SETBP1: variants seen among roughly 807,000 people sequenced by gnomAD.
SETBP1 encodes SET-binding protein.
SETBP1 carries 9 observed loss-of-function variants against 101.0 expected under a neutral mutation model. The observed-to-expected ratio is 0.09, with a 90% confidence interval of 0.05 to 0.16. The LOEUF is 0.16. Ranked by LOEUF, SETBP1 falls within the 10% of genes least tolerant of loss-of-function variation. The pLI, the probability that SETBP1 is intolerant of heterozygous loss-of-function variation, is 1.00. For synonymous variants in SETBP1, 818 were observed against 788.5 expected (o/e 1.04, Z -0.63); for missense variants, 1,858 against 2,033.8 (o/e 0.91, Z 1.66).
At chr18:44,800,476 A>G (rs1400424714) in intron 2 of SETBP1, among the ~76,000 whole-genome samples, 1 of 152,204 alleles carries the variant, frequency 6.6e-6, no homozygotes. Flanking sequence ...GACAATCAAA[A>G]TGTAAATAAA....
At position 44,975,760 on chromosome 18, in the gene SETBP1, C is replaced by T. The variant is rs575817703; in HGVS notation, c.4000+22420C>T. 6.4e-4 allele frequency among the ~76,000 whole-genome samples: 97 copies of T among 152,136 alleles called. 3 individuals carry two copies. Among genetic ancestry groups the T allele is most frequent in the Non-Finnish European group, 1.6e-4 (11 of 68,030 alleles). ...TTTCCCAATTTATCTGACTGCACAA[C>T]TCTTGTTTCTCCAAATCCACCCATT... On this transcript the variant is annotated intron_variant, in intron 4 of 5. Transcript: ENST00000649279.
intron 2 of SETBP1, among the ~76,000 whole-genome samples, chr18:44,802,981 G>T (rs1248176354): frequency 6.6e-6 from 1 of 152,044 alleles, no homozygotes; most frequent in Admixed American, 6.6e-5. Flanking sequence ...GGTCATTTGG[G>T]CCTGGGTGTC....
chr18:44,848,239 A>G (rs2072765551), intron 2 of SETBP1, among the ~76,000 whole-genome samples: 1 of 152,120 alleles, frequency 6.6e-6, no homozygotes, highest in African/African-American at 2.4e-5. Flanking sequence ...AAGATGAGGT[A>G]AGCAAGGCTT....
chr18:44,705,105 G>C (rs535122520), intron 2 of SETBP1, among the ~76,000 whole-genome samples: 1 of 152,278 alleles, frequency 6.6e-6, no homozygotes, highest in South Asian at 2.1e-4. Context: ...TAGCCTGTGG[G>C]CCAAATCCAG....
intron 2 of SETBP1, among the ~76,000 whole-genome samples, chr18:44,818,998 G>C (rs1383825126): frequency 6.7e-6 from 1 of 149,284 alleles, no homozygotes. Context: ...GTGTGTCTGT[G>C]TGTGTGTGTG....
intron 2 of SETBP1, among the ~76,000 whole-genome samples, chr18:44,711,704 A>AT (rs11376628): frequency 0.72 from 90,947 of 125,646 alleles, 33,276 homozygotes; most frequent in African/African-American, 0.83. Context: ...TTATCTTTAA[A>AT]TTTTTTTTTT....
At chr18:44,936,644 T>C (rs538757618) in intron 3 of SETBP1, among the ~76,000 whole-genome samples, 1 of 152,310 alleles carries the variant, frequency 6.6e-6, no homozygotes, top group African/African-American at 2.4e-5. Flanking sequence ...GGGGCACGTT[T>C]GCTCTCAGTT....
intron 2 of SETBP1, among the ~76,000 whole-genome samples, chr18:44,705,404 T>G (rs899693744): frequency 2.6e-5 from 4 of 152,196 alleles, no homozygotes; most frequent in Admixed American, 6.5e-5. Context: ...AAAATGTGCA[T>G]TGATCCTTAA....
At chr18:44,933,436 A>G (rs1159740770) in intron 3 of SETBP1, among the ~76,000 whole-genome samples, 1 of 152,204 alleles carries the variant, frequency 6.6e-6, no homozygotes, top group African/African-American at 2.4e-5. Flanking sequence ...CCATTCTCAG[A>G]TCTCAAACTC....
rs1157775625 is a variant in SETBP1 at position 45,065,009 on chromosome 18, A to G, written c.*1311A>G. On this transcript the variant is annotated 3_prime_UTR_variant, in exon 6 of 6. Transcript: ENST00000649279. ...TGTGGTTGCCTTAATAAACTAAAAC[A>G]TTATTGTACATAATGTAATTATAAA... 5 of 152,246 alleles carry G rather than the reference A, an allele frequency of 3.3e-5. No individual in the cohort carries two copies. The highest frequency in any genetic ancestry group is 1.9e-4 in the East Asian group (1 of 5,198). The allele number at this position is 152,246 out of a possible 1,614,324, so 9.4% of individuals were successfully genotyped here.
chr18:44,814,470 C>T (rs1033262002), intron 2 of SETBP1, among the ~76,000 whole-genome samples: 3 of 152,190 alleles, frequency 2.0e-5, no homozygotes, highest in South Asian at 2.1e-4. Context: ...GCTTCTTACA[C>T]ATCTAGAATT....
At chr18:44,947,164 C>G (rs2071225844) in intron 3 of SETBP1, among the ~76,000 whole-genome samples, 1 of 151,928 alleles carries the variant, frequency 6.6e-6, no homozygotes, top group South Asian at 2.1e-4. Flanking sequence ...GTATGTGCAA[C>G]AAAGATAAGT....
chr18:45,043,439 G>GAAA (rs34933092), intron 5 of SETBP1, among the ~76,000 whole-genome samples: 1,984 of 137,874 alleles, frequency 0.014, 58 homozygotes, highest in African/African-American at 0.049. Flanking sequence ...AGTCCAAGGA[G>GAAA]AAAAAAAAAA....
intron 3 of SETBP1, among the ~76,000 whole-genome samples, chr18:44,900,421 T>C (rs974231289): frequency 1.3e-5 from 2 of 152,236 alleles, no homozygotes; most frequent in East Asian, 1.9e-4. Context: ...TGCTGCCTTA[T>C]AGTTGTGAAC....
chr18:44,940,847 G>T (rs950504609), intron 3 of SETBP1, among the ~76,000 whole-genome samples: 2 of 149,794 alleles, frequency 1.3e-5, no homozygotes, highest in African/African-American at 2.5e-5. Context: ...TTTCCATCTG[G>T]TGTCATTTCC....
At chr18:45,053,024 A>G (rs2073747725) in intron 5 of SETBP1, among the ~76,000 whole-genome samples, 3 of 152,228 alleles carry the variant, frequency 2.0e-5, no homozygotes. Context: ...TTAACACCCA[A>G]TTCCACATAG....
chr18:44,980,519 T>G (rs2072089528), intron 4 of SETBP1, among the ~76,000 whole-genome samples: 1 of 152,072 alleles, frequency 6.6e-6, no homozygotes, highest in African/African-American at 2.4e-5. Flanking sequence ...AGAAACTCAT[T>G]ACTTTATAAT....
At chr18:44,779,108 C>T (rs556600822) in intron 2 of SETBP1, among the ~76,000 whole-genome samples, 31 of 152,328 alleles carry the variant, frequency 2.0e-4, no homozygotes, top group East Asian at 1.5e-3. Flanking sequence ...TTCCTTAAGA[C>T]AGGACTGGAC....
chr18:44,987,300 C>T (rs1459728497), intron 4 of SETBP1: 2 of 152,214 alleles, frequency 1.3e-5, no homozygotes, highest in East Asian at 3.8e-4. Flanking sequence ...GCTGACCACT[C>T]TCTAGTCACA....
Sources: allele counts gnomAD v4.1 joint callset (sites outside exome capture counted in the v4.1 genomes callset), GRCh38; gene constraint gnomAD v4.1.1; transcripts MANE v1.5; gene names NCBI Gene and HGNC (gene_info 2026-07-23, HGNC 2026-07-21).